RAB27B: variants seen among roughly 807,000 people sequenced by gnomAD.
RAB27B encodes the protein RAB27B, member RAS oncogene family, also known as ras-related protein Rab-27B.
A neutral mutation model predicts 24.6 loss-of-function variants in RAB27B; 15 were observed. The observed-to-expected ratio is 0.61, with a 90% CI of 0.41 to 0.94. RAB27B has a LOEUF of 0.94. RAB27B is among the 40% of genes least tolerant of loss of function. The pLI, the probability that RAB27B is intolerant of heterozygous loss-of-function variation, is 0.00. For synonymous variants in RAB27B, 105 were observed against 92.5 expected, an observed-to-expected ratio of 1.14 and a Z score of -0.78; for missense variants, 261 against 266.8, an observed-to-expected ratio of 0.98 and a Z score of 0.15.
rs147850877 is a variant in RAB27B, at chr18:54,870,847, G to A, written c.-19-6720G>A. Among the ~76,000 whole-genome samples the A allele has an allele frequency of 6.1e-4, 93 of 152,176 alleles. 1 individual carries two copies. The East Asian group carries it at 0.014, about 23-fold the overall frequency. ...AAACATTATGATGTCTTACATTTGC[G>A]TCAAAATAATCTGGTAGGTGGAGAG... On this transcript the variant is annotated intron_variant, in intron 1 of 5. Transcript: ENST00000262094.
chr18:54,808,877 C>G (rs7237747), intron 2 of RAB27B, among the ~76,000 whole-genome samples: 61,534 of 152,032 alleles, frequency 0.4, 14,149 homozygotes, highest in Non-Finnish European at 0.52. Context: ...TGAGAAGAAC[C>G]TTTAACATAC....
At position 54,757,598 on chromosome 18, in the gene RAB27B, T is replaced by G. The variant is rs570910813; in HGVS notation, c.-20+39457T>G. On this transcript the variant is annotated intron_variant, in intron 2 of 4. Coordinates refer to the RAB27B transcript ENST00000586570. ...ATTGTTATATGTGTTCACTAAGAAC[T>G]GAATATGAACAAATTTGTATAAATT... Among the ~76,000 whole-genome samples the G allele has an allele frequency of 3.8e-4, 58 of 152,260 alleles. 1 individual carries two copies. In the Middle Eastern group the frequency reaches 0.01, roughly 27 times the overall value.
At chr18:54,794,781 TC>T (rs941350425) in intron 2 of RAB27B, among the ~76,000 whole-genome samples, 10 of 152,194 alleles carry the variant, frequency 6.6e-5, no homozygotes, top group Admixed American at 2.0e-4. Flanking sequence ...GTTTCTGGGC[TC>T]CCCCCAACCC....
chr18:54,846,617 CA>C (rs1273099230), intron 1 of RAB27B, among the ~76,000 whole-genome samples: 2 of 152,054 alleles, frequency 1.3e-5, no homozygotes, highest in Non-Finnish European at 2.9e-5. Flanking sequence ...ACATTTGAGC[CA>C]AAAAACTGAC....
chr18:54,875,432 G>A (rs1449425898), intron 1 of RAB27B, among the ~76,000 whole-genome samples: 3 of 152,106 alleles, frequency 2.0e-5, no homozygotes, highest in African/African-American at 7.2e-5. Flanking sequence ...ATTGAGACAT[G>A]TGTATCCTTC....
intron 2 of RAB27B, among the ~76,000 whole-genome samples, chr18:54,799,649 A>C (rs1304069933): frequency 1.4e-5 from 1 of 69,804 alleles, no homozygotes; most frequent in East Asian, 4.5e-4. Context: ...TTTTTTTTTT[A>C]GACAGAGTCT....
chr18:54,819,588 G>A (rs1291374228), intron 2 of RAB27B, among the ~76,000 whole-genome samples: 1 of 149,464 alleles, frequency 6.7e-6, no homozygotes, highest in Non-Finnish European at 1.5e-5. Flanking sequence ...TAATTATAAG[G>A]TTTATTTATT....
chr18:54,799,014 A>T (rs1909513515), intron 2 of RAB27B, among the ~76,000 whole-genome samples: 1 of 152,156 alleles, frequency 6.6e-6, no homozygotes, highest in African/African-American at 2.4e-5. Context: ...TTTTATTCAA[A>T]TTTTCTGGCA....
intron 2 of RAB27B, among the ~76,000 whole-genome samples, chr18:54,809,894 AT>A (rs1454627474): frequency 1.3e-5 from 2 of 152,180 alleles, no homozygotes; most frequent in East Asian, 3.9e-4. Flanking sequence ...AGCTAATGAT[AT>A]TTTGAATTGT....
chr18:54,746,970 T>G (rs1406288930), intron 2 of RAB27B, among the ~76,000 whole-genome samples: 4 of 152,162 alleles, frequency 2.6e-5, no homozygotes, highest in Non-Finnish European at 5.9e-5. Context: ...TGCTTCCTGA[T>G]AGTGAAGAAA....
intron 1 of RAB27B, among the ~76,000 whole-genome samples, chr18:54,834,907 C>T (rs1910835780): frequency 6.6e-6 from 1 of 150,876 alleles, no homozygotes; most frequent in South Asian, 2.1e-4. Flanking sequence ...TTAACTTGCT[C>T]AGAAAAAAAA....
intron 2 of RAB27B, among the ~76,000 whole-genome samples, chr18:54,787,260 T>C (rs1909116773): frequency 6.6e-6 from 1 of 152,234 alleles, no homozygotes; most frequent in South Asian, 2.1e-4. Context: ...TCTGGAGTTG[T>C]AGTTCACTGC....
At chr18:54,804,052 T>A (rs1361718456) in intron 2 of RAB27B, among the ~76,000 whole-genome samples, 1 of 152,194 alleles carries the variant, frequency 6.6e-6, no homozygotes, top group Non-Finnish European at 1.5e-5. Context: ...TCCTATTAAT[T>A]ATGTGGTCAG....
At position 54,727,446 on chromosome 18, in the gene RAB27B, G is replaced by C. The variant is rs530606306; in HGVS notation, c.-20+9305G>C. ...AATTCAACTTCCTAAATATGATTTGGGATTTCCTTAGTGGGTGAATAAGGG... is the reference window on the plus strand; with the variant it reads ...AATTCAACTTCCTAAATATGATTTGCGATTTCCTTAGTGGGTGAATAAGGG... On this transcript the variant is annotated intron_variant, in intron 2 of 4. Coordinates refer to the RAB27B transcript ENST00000586570. Among the ~76,000 whole-genome samples, 45 of 152,194 alleles carry C rather than the reference G, an allele frequency of 3.0e-4. 1 individual carries two copies. Among genetic ancestry groups the C allele is most frequent in the African/African-American group, 1.0e-3 (43 of 41,524 alleles).
intron 1 of RAB27B, among the ~76,000 whole-genome samples, chr18:54,841,173 GT>G (rs1911105706): frequency 1.0e-5 from 1 of 95,330 alleles, no homozygotes; most frequent in Non-Finnish European, 2.3e-5. Context: ...GGGGGGTTTG[GT>G]GAGAGGGGCG....
intron 1 of RAB27B, among the ~76,000 whole-genome samples, chr18:54,846,344 C>T (rs905199471): frequency 2.0e-5 from 3 of 152,220 alleles, no homozygotes. Context: ...TCGCAGGAGC[C>T]TAATCCCATT....
chr18:54,850,440 C>T (rs192213367), intron 1 of RAB27B, among the ~76,000 whole-genome samples: 46 of 149,886 alleles, frequency 3.1e-4, no homozygotes, highest in Admixed American at 2.9e-3. Context: ...GGTGCAATCT[C>T]GGCTCACTGC....
chr18:54,793,543 G>A (rs565024423), intron 2 of RAB27B, among the ~76,000 whole-genome samples: 4 of 152,304 alleles, frequency 2.6e-5, no homozygotes, highest in South Asian at 2.1e-4. Flanking sequence ...ATTAAGGGGC[G>A]TTTGGACCAG....
chr18:54,838,406 T>C (rs1309487072), intron 1 of RAB27B, among the ~76,000 whole-genome samples: 4 of 152,158 alleles, frequency 2.6e-5, no homozygotes, highest in African/African-American at 7.2e-5. Context: ...AGTCCACTGT[T>C]TGAAAAAGTT....
Sources: allele counts gnomAD v4.1 joint callset (sites outside exome capture counted in the v4.1 genomes callset), GRCh38; gene constraint gnomAD v4.1.1; transcripts MANE v1.5; gene names NCBI Gene and HGNC (gene_info 2026-07-23, HGNC 2026-07-21).